MARCHF1: variants seen among roughly 807,000 people sequenced by gnomAD.
The protein encoded by MARCHF1 is E3 ubiquitin-protein ligase MARCHF1.
Under a neutral mutation model 54.2 loss-of-function variants are expected in MARCHF1, and 40 were observed. That is an observed-to-expected ratio of 0.74 (90% CI 0.57 to 0.96). The LOEUF is 0.96. Among genes scored for constraint, MARCHF1 ranks in the 40% least tolerant of loss-of-function variants. MARCHF1 has a pLI of 0.00. For synonymous variants in MARCHF1, 236 were observed against 236.3 expected, an observed-to-expected ratio of 1.00 and a Z score of 0.01; for missense variants, 586 against 656.5, an observed-to-expected ratio of 0.89 and a Z score of 1.17.
At chr4:164,308,554 G>A (rs947238331) in intron 1 of MARCHF1, among the ~76,000 whole-genome samples, 4 of 151,818 alleles carry the variant, frequency 2.6e-5, no homozygotes, top group African/African-American at 9.7e-5. Flanking sequence ...TTAAGCTCCA[G>A]AACACCACAA....
chr4:164,233,663 G>A (rs1019343342), intron 1 of MARCHF1, among the ~76,000 whole-genome samples: 1 of 152,074 alleles, frequency 6.6e-6, no homozygotes, highest in African/African-American at 2.4e-5. Flanking sequence ...AATCCTCCAA[G>A]TGTAGGTCCT....
At chr4:163,893,927 A>C (rs1750719881) in intron 3 of MARCHF1, among the ~76,000 whole-genome samples, 1 of 152,140 alleles carries the variant, frequency 6.6e-6, no homozygotes, top group South Asian at 2.1e-4. Flanking sequence ...CCAGATAAGA[A>C]ACTGGTTACC....
Position 164,180,952 on chromosome 4 carries a change from C to G in MARCHF1, c.-322-69290G>C, listed in dbSNP as rs139269994. Among the ~76,000 whole-genome samples, 748 of 152,246 alleles carry G rather than the reference C, an allele frequency of 4.9e-3. 3 individuals are homozygous for G. Among genetic ancestry groups the G allele is most frequent in the Middle Eastern group, 0.017 (5 of 294 alleles). The stretch of plus-strand genomic sequence containing the variant: ...TCCATTCTAGACAACATTTACCTTC[C>G]TAAAACTTGTTTTCAATTCTGCAAC... On this transcript the variant is annotated intron_variant, in intron 1 of 9. Coordinates refer to ENST00000514618, the MANE Select transcript of MARCHF1 (RefSeq NM_001394959.1).
intron 4 of MARCHF1, among the ~76,000 whole-genome samples, chr4:163,825,499 G>C (rs866539840): frequency 3.3e-5 from 5 of 152,058 alleles, no homozygotes; most frequent in South Asian, 4.1e-4. Context: ...TCCGTTTTAA[G>C]TTTTTTCAGA....
chr4:163,786,933 TG>T (rs1051403293), intron 4 of MARCHF1, among the ~76,000 whole-genome samples: 24 of 151,992 alleles, frequency 1.6e-4, no homozygotes, highest in African/African-American at 5.8e-4. Flanking sequence ...AGTAAACCCT[TG>T]AGAATACGGT....
At chr4:164,258,834 G>T (rs1054766482) in intron 1 of MARCHF1, among the ~76,000 whole-genome samples, 5 of 151,978 alleles carry the variant, frequency 3.3e-5, no homozygotes, top group African/African-American at 1.2e-4. Flanking sequence ...AGAGTCTAAG[G>T]TATGTTTTAA....
At chr4:163,909,530 A>T (rs1209352229) in intron 3 of MARCHF1, among the ~76,000 whole-genome samples, 3 of 152,180 alleles carry the variant, frequency 2.0e-5, no homozygotes, top group African/African-American at 7.2e-5. Context: ...GCCTTCTATG[A>T]GGGGTTCAAT....
intron 5 of MARCHF1, among the ~76,000 whole-genome samples, chr4:163,619,658 G>A (rs1318619391): frequency 6.6e-6 from 1 of 151,898 alleles, no homozygotes; most frequent in Non-Finnish European, 1.5e-5. Flanking sequence ...TCTCTAGTTA[G>A]TGGGAAAAGG....
chr4:164,340,034 T>C (rs1348691108), intron 1 of MARCHF1, among the ~76,000 whole-genome samples: 2 of 151,884 alleles, frequency 1.3e-5, no homozygotes, highest in Non-Finnish European at 2.9e-5. Flanking sequence ...AGCAAACCAA[T>C]AATGAGTAAG....
At chr4:164,109,795 T>A (rs752186208) in intron 2 of MARCHF1, among the ~76,000 whole-genome samples, 1 of 150,180 alleles carries the variant, frequency 6.7e-6, no homozygotes, top group Non-Finnish European at 1.5e-5. Context: ...AGAGTGAATG[T>A]AGCAAAGAGG....
At chr4:164,347,782 G>A (rs913662849) in intron 1 of MARCHF1, among the ~76,000 whole-genome samples, 1 of 152,054 alleles carries the variant, frequency 6.6e-6, no homozygotes, top group Non-Finnish European at 1.5e-5. Context: ...AGGGATTGTA[G>A]GGTAAACTGG....
chr4:163,911,752 C>T (rs1751193664), intron 3 of MARCHF1, among the ~76,000 whole-genome samples: 1 of 152,050 alleles, frequency 6.6e-6, no homozygotes. Context: ...TAAAAGAAAG[C>T]TACACACTGA....
intron 5 of MARCHF1, among the ~76,000 whole-genome samples, chr4:163,679,979 GT>G (rs11327231): frequency 0.36 from 49,917 of 139,184 alleles, 7,949 homozygotes; most frequent in East Asian, 0.45. Flanking sequence ...CTTTTTATCT[GT>G]TTTTTTTTTT....
intron 4 of MARCHF1, among the ~76,000 whole-genome samples, chr4:163,708,370 T>C (rs1745011124): frequency 6.6e-6 from 1 of 152,128 alleles, no homozygotes; most frequent in Non-Finnish European, 1.5e-5. Context: ...TAGTTAATGA[T>C]CTTTTACAGC....
chr4:163,920,407 T>A (rs899009172), intron 3 of MARCHF1, among the ~76,000 whole-genome samples: 3 of 152,222 alleles, frequency 2.0e-5, no homozygotes, highest in Non-Finnish European at 2.9e-5. Flanking sequence ...GCTGATACCT[T>A]GTAGTTTTTC....
chr4:164,084,555 A>T (rs2111119696), intron 2 of MARCHF1, among the ~76,000 whole-genome samples: 1 of 152,090 alleles, frequency 6.6e-6, no homozygotes, highest in South Asian at 2.1e-4. Context: ...TTGCATAAAC[A>T]GTAAAATAAG....
rs993203166 is a variant in MARCHF1 at position 164,040,192 on chromosome 4, T to C, written c.-247-51483A>G. On this transcript the variant is annotated intron_variant, in intron 2 of 9. Coordinates refer to ENST00000514618, the MANE Select transcript of MARCHF1 (RefSeq NM_001394959.1). ...TATATATAAATATACAAATATATAT[T>C]ATAAATACATTGTATATATATTTAT... 8.3e-5 allele frequency among the ~76,000 whole-genome samples: 12 copies of C among 144,602 alleles called. No individual in the cohort carries two copies. In the South Asian group the frequency reaches 2.6e-3, roughly 31 times the overall value. The allele number at this position is 144,602 out of a possible 152,430, so 94.9% of individuals were successfully genotyped here. A position where few individuals can be genotyped will look rare whatever the true frequency, so the allele number is the denominator to read the frequency against.
At chr4:163,545,254 C>A (rs1738858110) in intron 9 of MARCHF1, among the ~76,000 whole-genome samples, 1 of 152,096 alleles carries the variant, frequency 6.6e-6, no homozygotes, top group Non-Finnish European at 1.5e-5. Context: ...AAATGAGAAA[C>A]CTTCATTTTT....
chr4:164,264,005 T>G (rs1453400986), intron 1 of MARCHF1, among the ~76,000 whole-genome samples: 1 of 152,196 alleles, frequency 6.6e-6, no homozygotes, highest in Non-Finnish European at 1.5e-5. Context: ...TATACCCAGA[T>G]GAATATAAAT....
Sources: allele counts gnomAD v4.1 joint callset (sites outside exome capture counted in the v4.1 genomes callset), GRCh38; gene constraint gnomAD v4.1.1; transcripts MANE v1.5; gene names NCBI Gene and HGNC (gene_info 2026-07-23, HGNC 2026-07-21).